The following ARHGAP15 variants were observed in gnomAD, a reference collection of about 807,000 sequenced individuals.
The protein encoded by ARHGAP15 is Rho GTPase activating protein 15, also known as rho GTPase-activating protein 15.
Under a neutral mutation model 63.7 loss-of-function variants are expected in ARHGAP15, and 51 were observed. That is an observed-to-expected ratio of 0.80 (90% CI 0.64 to 1.01). ARHGAP15 has a LOEUF of 1.01. Among genes scored for constraint, ARHGAP15 ranks in the 50% least tolerant of loss-of-function variants. The probability of loss-of-function intolerance (pLI) is 0.00; values close to 1 mark genes in which losing one functional copy is unlikely to be tolerated. For missense variants in ARHGAP15, 560 were observed against 564.6 expected (o/e 0.99, Z 0.08); for synonymous variants, 191 against 193.8 (o/e 0.99, Z 0.12).
At chr2:143,548,375 T>C (rs1695418416) in intron 10 of ARHGAP15, among the ~76,000 whole-genome samples, 2 of 152,058 alleles carry the variant, frequency 1.3e-5, no homozygotes, top group Non-Finnish European at 2.9e-5. Flanking sequence ...TATACATATA[T>C]ATTCCTTTAT....
chr2:143,767,827 T>C lies in ARHGAP15; in HGVS notation c.1245-162T>C, dbSNP rs79459549. Among the ~76,000 whole-genome samples, 37 of 152,310 alleles carry C rather than the reference T, an allele frequency of 2.4e-4. No individual in the cohort carries two copies. In the East Asian group the frequency reaches 6.9e-3, roughly 29 times the overall value. On this transcript the variant is annotated intron_variant, in intron 13 of 13. Coordinates refer to ENST00000295095, the MANE Select transcript of ARHGAP15 (RefSeq NM_018460.4). Reference sequence around the variant, plus strand: ...CAATGTATCCTTTCCCCAAAACTCATAGGTTCTACTTCCATACAGTAAAGT... The same window carrying C: ...CAATGTATCCTTTCCCCAAAACTCACAGGTTCTACTTCCATACAGTAAAGT...
At chr2:143,342,343 T>A (rs1685093890) in intron 6 of ARHGAP15, among the ~76,000 whole-genome samples, 1 of 152,044 alleles carries the variant, frequency 6.6e-6, no homozygotes, top group South Asian at 2.1e-4. Context: ...AAAATACTCA[T>A]CTAGCAGTAT....
chr2:143,386,922 C>T (rs997876040), intron 6 of ARHGAP15, among the ~76,000 whole-genome samples: 5 of 151,924 alleles, frequency 3.3e-5, no homozygotes, highest in Non-Finnish European at 7.4e-5. Flanking sequence ...CCAAATACTG[C>T]ATGTTCTCAC....
intron 6 of ARHGAP15, among the ~76,000 whole-genome samples, chr2:143,298,363 A>AGT (rs752167794): frequency 1.3e-5 from 2 of 152,014 alleles, no homozygotes; most frequent in African/African-American, 2.4e-5. Context: ...TTATCCTCTT[A>AGT]GTACACCATG....
At chr2:143,551,037 G>T (rs1695540216) in intron 10 of ARHGAP15, among the ~76,000 whole-genome samples, 2 of 152,078 alleles carry the variant, frequency 1.3e-5, no homozygotes, top group Admixed American at 1.3e-4. Context: ...TAAGTGGTAG[G>T]AACTACGAAT....
At chr2:143,211,607 G>A (rs1692566436) in intron 3 of ARHGAP15, among the ~76,000 whole-genome samples, 1 of 152,146 alleles carries the variant, frequency 6.6e-6, no homozygotes, top group African/African-American at 2.4e-5. Flanking sequence ...AGATGATGCA[G>A]AGTTCTTTTA....
intron 12 of ARHGAP15, among the ~76,000 whole-genome samples, chr2:143,667,432 A>C: frequency 1.5e-5 from 1 of 68,318 alleles, no homozygotes; most frequent in South Asian, 8.1e-4. Context: ...GGGTCGGGGG[A>C]GGGGGGAGAG....
chr2:143,473,266 C>G (rs1241163086), intron 8 of ARHGAP15, among the ~76,000 whole-genome samples: 1 of 152,182 alleles, frequency 6.6e-6, no homozygotes, highest in Non-Finnish European at 1.5e-5. Context: ...TTTCTGTCCC[C>G]CTCTGCTTTC....
intron 6 of ARHGAP15, among the ~76,000 whole-genome samples, chr2:143,350,219 A>G (rs1685495373): frequency 6.6e-6 from 1 of 152,046 alleles, no homozygotes; most frequent in South Asian, 2.1e-4. Context: ...TTTTCAGCAT[A>G]TTTTTTAAAA....
intron 9 of ARHGAP15, among the ~76,000 whole-genome samples, chr2:143,510,774 G>GTTTTCTGC (rs1693548891): frequency 1.3e-5 from 2 of 152,170 alleles, no homozygotes; most frequent in African/African-American, 4.8e-5. Context: ...TGCCATTATT[G>GTTTTCTGC]TTTTCTGCTT....
chr2:143,251,657 T>A (rs1191988211), intron 6 of ARHGAP15, among the ~76,000 whole-genome samples: 1 of 152,060 alleles, frequency 6.6e-6, no homozygotes. Flanking sequence ...GTATAGAGAT[T>A]TTTTATCAAA....
rs145158148 is a variant in ARHGAP15, at chr2:143,575,205, C to T, written c.1003+18720C>T. On this transcript the variant is annotated intron_variant, in intron 11 of 13. Coordinates refer to ENST00000295095, the MANE Select transcript of ARHGAP15 (RefSeq NM_018460.4). ...GTGTGTTGTAAAAACTGTGCGCAGA[C>T]ACACATATGTGTACACTTTAAAGAT... 4.6e-3 allele frequency among the ~76,000 whole-genome samples: 696 copies of T among 152,260 alleles called. 4 individuals carry two copies. The highest frequency in any genetic ancestry group is 9.9e-3 in the South Asian group (48 of 4,830).
intron 2 of ARHGAP15, among the ~76,000 whole-genome samples, chr2:143,166,001 A>AAAAGGAAG (rs1553442878): frequency 2.0e-5 from 2 of 101,110 alleles, no homozygotes; most frequent in Admixed American, 9.4e-5. Context: ...AAAGAAAGAA[A>AAAAGGAAG]GAAGGAAGGA....
At chr2:143,179,845 T>C (rs1460045180) in intron 2 of ARHGAP15, among the ~76,000 whole-genome samples, 1 of 150,502 alleles carries the variant, frequency 6.6e-6, no homozygotes, top group Non-Finnish European at 1.5e-5. Context: ...TAAGCCATGA[T>C]TGCACCACTG....
intron 12 of ARHGAP15, 91 bp downstream of exon 12, chr2:143,624,358 A>ATTC: frequency 1.4e-6 from 2 of 1,394,488 alleles, no homozygotes; most frequent in Non-Finnish European, 1.9e-6. Flanking sequence ...AATAATAATC[A>ATTC]TGGGGAACAG....
At chr2:143,266,226 T>G (rs1680986171) in intron 6 of ARHGAP15, among the ~76,000 whole-genome samples, 1 of 150,418 alleles carries the variant, frequency 6.6e-6, no homozygotes, top group Non-Finnish European at 1.5e-5. Flanking sequence ...TTAAATAAAT[T>G]TTCTCACTTC....
intron 2 of ARHGAP15, among the ~76,000 whole-genome samples, chr2:143,180,081 T>C (rs1691175184): frequency 6.6e-6 from 1 of 152,198 alleles, no homozygotes; most frequent in South Asian, 2.1e-4. Context: ...TTGAAATAAG[T>C]CCACAGTGAA....
chr2:143,529,157 G>T (rs567428283), intron 10 of ARHGAP15, among the ~76,000 whole-genome samples: 1 of 152,130 alleles, frequency 6.6e-6, no homozygotes, highest in South Asian at 2.1e-4. Context: ...TCCCAACAAA[G>T]ATGTTCCTCC....
chr2:143,148,351 C>T (rs983956852), intron 1 of ARHGAP15, among the ~76,000 whole-genome samples: 2 of 151,996 alleles, frequency 1.3e-5, no homozygotes, highest in Admixed American at 6.6e-5. Flanking sequence ...TTTGCAGAAC[C>T]TGTGGGATGT....
Sources: allele counts gnomAD v4.1 joint callset (sites outside exome capture counted in the v4.1 genomes callset), GRCh38; gene constraint gnomAD v4.1.1; transcripts MANE v1.5; gene names NCBI Gene and HGNC (gene_info 2026-07-23, HGNC 2026-07-21).